Variants in SEMA6D observed in about 807,000 individuals in gnomAD.
The protein encoded by SEMA6D is semaphorin 6D.
SEMA6D carries 35 observed loss-of-function variants against 106.6 expected under a neutral mutation model. The ratio of observed to expected loss-of-function variants is 0.33; its 90% CI spans 0.25 to 0.44. SEMA6D has a LOEUF of 0.44. Among genes scored for constraint, SEMA6D ranks in the 20% least tolerant of loss-of-function variants. The pLI, the probability that SEMA6D is intolerant of heterozygous loss-of-function variation, is 1.00. For synonymous variants in SEMA6D, 499 were observed against 487.7 expected, an observed-to-expected ratio of 1.02 and a Z score of -0.31; for missense variants, 1,185 against 1,345.9, an observed-to-expected ratio of 0.88 and a Z score of 1.87.
chr15:47,229,648 A>C (rs1296335963), intron 1 of SEMA6D, among the ~76,000 whole-genome samples: 4 of 152,134 alleles, frequency 2.6e-5, no homozygotes, highest in Non-Finnish European at 5.9e-5. Flanking sequence ...ATCAAATTCT[A>C]AGATGTCTGC....
intron 4 of SEMA6D, among the ~76,000 whole-genome samples, chr15:47,699,972 C>T (rs1415728532): frequency 6.6e-6 from 1 of 152,132 alleles, no homozygotes; most frequent in Non-Finnish European, 1.5e-5. Flanking sequence ...CAATTGCCTT[C>T]CTATATATCA....
chr15:47,508,874 C>A (rs988706863), intron 3 of SEMA6D, among the ~76,000 whole-genome samples: 1 of 152,138 alleles, frequency 6.6e-6, no homozygotes, highest in Non-Finnish European at 1.5e-5. Context: ...AGATAATAAA[C>A]ATTCCTGTTG....
chr15:47,475,353 G>T (rs76726938), intron 3 of SEMA6D, among the ~76,000 whole-genome samples: 2,636 of 152,246 alleles, frequency 0.017, 32 homozygotes, highest in Non-Finnish European at 0.029. Flanking sequence ...ATAAGGCCTA[G>T]AATAGCTAAA....
intron 4 of SEMA6D, among the ~76,000 whole-genome samples, chr15:47,677,059 A>T (rs1360368383): frequency 6.6e-6 from 1 of 152,004 alleles, no homozygotes; most frequent in Non-Finnish European, 1.5e-5. Context: ...CTCCTCTAAG[A>T]ATCTAATGCT....
At chr15:47,367,159 T>C (rs920867835) in intron 1 of SEMA6D, among the ~76,000 whole-genome samples, 2 of 152,196 alleles carry the variant, frequency 1.3e-5, no homozygotes, top group Non-Finnish European at 2.9e-5. Context: ...CCTGCCAGAG[T>C]GTCTGCTACT....
chr15:47,734,789 G>T (rs2080348463), intron 1 of SEMA6D, among the ~76,000 whole-genome samples: 1 of 152,152 alleles, frequency 6.6e-6, no homozygotes, highest in African/African-American at 2.4e-5. Context: ...TTCAAAACTA[G>T]AAATTAGGGG....
chr15:47,556,636 A>G (rs2045924179), intron 3 of SEMA6D, among the ~76,000 whole-genome samples: 1 of 152,040 alleles, frequency 6.6e-6, no homozygotes, highest in African/African-American at 2.4e-5. Context: ...TGCCATCCCT[A>G]AAGATATTTT....
At chr15:47,199,301 T>G (rs1894561166) in intron 1 of SEMA6D, among the ~76,000 whole-genome samples, 1 of 152,176 alleles carries the variant, frequency 6.6e-6, no homozygotes. Flanking sequence ...TTACACCACC[T>G]GGAGAACTGC....
At chr15:47,499,403 GATTTATGTTAAAC>G (rs1195427145) in intron 3 of SEMA6D, among the ~76,000 whole-genome samples, 7 of 151,970 alleles carry the variant, frequency 4.6e-5, no homozygotes, top group African/African-American at 1.7e-4. Flanking sequence ...CCAGCCCCAA[GATTTATGTTAAAC>G]ATTTATGTTA....
chr15:47,214,238 C>T (rs994467391), intron 1 of SEMA6D, among the ~76,000 whole-genome samples: 3 of 152,154 alleles, frequency 2.0e-5, no homozygotes, highest in South Asian at 2.1e-4. Flanking sequence ...GTAAAAAGTA[C>T]GACTTAAACG....
intron 4 of SEMA6D, among the ~76,000 whole-genome samples, chr15:47,654,627 T>A (rs1490289783): frequency 6.6e-6 from 1 of 152,212 alleles, no homozygotes; most frequent in Non-Finnish European, 1.5e-5. Flanking sequence ...TTCTCAGGAA[T>A]GGCTTGGGCC....
At chr15:47,266,239 T>G (rs955528311) in intron 1 of SEMA6D, among the ~76,000 whole-genome samples, 1 of 151,896 alleles carries the variant, frequency 6.6e-6, no homozygotes, top group East Asian at 1.9e-4. Flanking sequence ...TGACTACACT[T>G]TTTTTTTCCA....
At chr15:47,198,065 T>A (rs930931689) in intron 1 of SEMA6D, among the ~76,000 whole-genome samples, 6 of 152,094 alleles carry the variant, frequency 3.9e-5, no homozygotes, top group African/African-American at 1.4e-4. Flanking sequence ...ATTTTCCTTA[T>A]TTTTTTGTGG....
intron 4 of SEMA6D, among the ~76,000 whole-genome samples, chr15:47,646,284 A>T (rs1202465840): frequency 3.3e-5 from 5 of 152,200 alleles, no homozygotes; most frequent in African/African-American, 1.2e-4. Context: ...CAACGGTTTT[A>T]GAAGCCGTAT....
At chr15:47,363,379 A>C (rs2038883996) in intron 1 of SEMA6D, among the ~76,000 whole-genome samples, 1 of 152,122 alleles carries the variant, frequency 6.6e-6, no homozygotes, top group South Asian at 2.1e-4. Flanking sequence ...GGGTCTATGA[A>C]TTTGAGTTCA....
Position 47,727,671 on chromosome 15 carries a change from C to A in SEMA6D, c.-55+9979C>A, listed in dbSNP as rs371002302. Among the ~76,000 whole-genome samples, 12 of 151,362 alleles carry A rather than the reference C, an allele frequency of 7.9e-5. No individual in the cohort carries two copies. The East Asian group carries it at 1.2e-3, about 15-fold the overall frequency. On this transcript the variant is annotated intron_variant, in intron 1 of 18. Transcript: ENST00000536845. ...AAAGTGGCTTCCCCCCCAACCCCCC[C>A]AGTTTGCAAAGGATCTTTATAGTGA... is the stretch of plus-strand genomic sequence containing the variant.
chr15:47,722,498 A>T (rs2079481264), intron 1 of SEMA6D, among the ~76,000 whole-genome samples: 1 of 152,140 alleles, frequency 6.6e-6, no homozygotes, highest in Non-Finnish European at 1.5e-5. Context: ...TCAATAAGAT[A>T]TCTGTTATAG....
Position 47,772,888 on chromosome 15 carries a change from A to G in SEMA6D, c.*1103A>G, listed in dbSNP as rs191959683. 6.6e-6 allele frequency: 1 copy of G among 151,004 alleles called. No individual in the cohort carries two copies. Among genetic ancestry groups the G allele is most frequent in the Non-Finnish European group, 1.5e-5 (1 of 67,808 alleles). 9.4% of individuals were successfully genotyped at this position (151,004 alleles called of 1,614,324 possible). A position where few individuals can be genotyped will look rare whatever the true frequency, so the allele number is the denominator to read the frequency against. On this transcript the variant is annotated 3_prime_UTR_variant, in exon 19 of 19. Transcript: ENST00000536845. ...ACAAAAAACAAACAAACAAACAAAAATAGAAGACAAAAGAAAGACATATGA... is the reference window on the plus strand; with the variant it reads ...ACAAAAAACAAACAAACAAACAAAAGTAGAAGACAAAAGAAAGACATATGA...
chr15:47,765,841 T>C (rs368294140), intron 13 of SEMA6D, 28 bp from the exon 14 acceptor site: 43 of 1,481,166 alleles, frequency 2.9e-5, no homozygotes, highest in Non-Finnish European at 3.8e-5. Context: ...ACTAAACATA[T>C]GGCTTCAAAA....
Sources: gnomAD v4.1 joint callset for allele counts (sites outside exome capture counted in the v4.1 genomes callset) on GRCh38, gnomAD v4.1.1 for gene constraint, MANE v1.5 for transcripts, NCBI Gene and HGNC (gene_info 2026-07-23, HGNC 2026-07-21) for gene names.